The following RTTN variants were observed in gnomAD, a reference collection of about 807,000 sequenced individuals.
The protein encoded by RTTN is rotatin.
In RTTN, 182 loss-of-function variants were observed where a neutral mutation model predicts 269.2. The observed-to-expected ratio is 0.68, with a 90% CI of 0.60 to 0.76. The LOEUF (loss-of-function observed/expected upper bound fraction) is 0.76, where lower values mean the gene tolerates loss of function less well. Ranked by LOEUF, RTTN falls within the 30% of genes least tolerant of loss-of-function variation. The pLI, the probability that RTTN is intolerant of heterozygous loss-of-function variation, is 0.00. For missense variants in RTTN, 2,545 were observed against 2,608.6 expected (o/e 0.98, Z 0.53); for synonymous variants, 1,006 against 963.5 (o/e 1.04, Z -0.82).
At chr18:70,150,290 C>T in intron 15 of RTTN, 2 of 566,622 alleles carry the variant, frequency 3.5e-6, no homozygotes, top group South Asian at 4.5e-5. Flanking sequence ...CTTTAATGTA[C>T]ATTTGTCCCT....
intron 32 of RTTN, among the ~76,000 whole-genome samples, chr18:70,086,278 C>T (rs1463910480): frequency 6.6e-6 from 1 of 152,160 alleles, no homozygotes; most frequent in Non-Finnish European, 1.5e-5. Context: ...TTTAAACTCT[C>T]TATGCAAAAG....
At chr18:70,066,481 A>AAAAT (rs2058138337) in intron 34 of RTTN, among the ~76,000 whole-genome samples, 1 of 152,202 alleles carries the variant, frequency 6.6e-6, no homozygotes, top group African/African-American at 2.4e-5. Context: ...GTACAATTTC[A>AAAAT]CCTACAGGTT....
At chr18:70,026,159 C>T (rs1020571727) in intron 43 of RTTN, among the ~76,000 whole-genome samples, 3 of 152,144 alleles carry the variant, frequency 2.0e-5, no homozygotes, top group African/African-American at 7.2e-5. Context: ...CTATTGAGGC[C>T]GCTTCTACTT....
chr18:70,052,164 T>G (rs923344389), intron 38 of RTTN, among the ~76,000 whole-genome samples: 1 of 152,178 alleles, frequency 6.6e-6, no homozygotes, highest in Non-Finnish European at 1.5e-5. Context: ...TGGAGAGCAG[T>G]CGCTGAGGAC....
chr18:70,129,599 A>C (rs536468905), intron 23 of RTTN: 3 of 150,538 alleles, frequency 2.0e-5, no homozygotes, highest in South Asian at 4.3e-4. Flanking sequence ...CTAGATCTCT[A>C]TCTCTCGCCA....
At chr18:70,025,388 G>A (rs1302274564) in intron 43 of RTTN, among the ~76,000 whole-genome samples, 2 of 152,134 alleles carry the variant, frequency 1.3e-5, no homozygotes, top group African/African-American at 2.4e-5. Context: ...TTATTACAAA[G>A]ATCAGTTACC....
intron 28 of RTTN, among the ~76,000 whole-genome samples, chr18:70,102,472 C>A (rs569763575): frequency 6.6e-6 from 1 of 152,092 alleles, no homozygotes; most frequent in Non-Finnish European, 1.5e-5. Flanking sequence ...TGTCTCTGCA[C>A]GTGAGATGAG....
intron 23 of RTTN, chr18:70,131,893 A>G: frequency 6.6e-6 from 1 of 152,024 alleles, no homozygotes; most frequent in East Asian, 1.9e-4. Context: ...ATATTCCATT[A>G]AAACTGTAAA....
At chr18:70,189,401 T>C (rs2061619782) in intron 9 of RTTN, among the ~76,000 whole-genome samples, 1 of 152,188 alleles carries the variant, frequency 6.6e-6, no homozygotes, top group South Asian at 2.1e-4. Context: ...TAAAGAACCA[T>C]TAACTTGGAA....
At chr18:70,156,481 C>G (rs1033382468) in intron 14 of RTTN, among the ~76,000 whole-genome samples, 1 of 152,172 alleles carries the variant, frequency 6.6e-6, no homozygotes, top group Non-Finnish European at 1.5e-5. Flanking sequence ...ATTTTGCCTG[C>G]GGTCCTGCGG....
intron 37 of RTTN, among the ~76,000 whole-genome samples, chr18:70,056,960 G>A (rs995652884): frequency 2.0e-5 from 3 of 152,196 alleles, no homozygotes; most frequent in Non-Finnish European, 4.4e-5. Flanking sequence ...ACAAAGATTT[G>A]CTGGATGGAG....
chr18:70,202,961 T>C (rs962975708), intron 3 of RTTN, among the ~76,000 whole-genome samples: 2 of 150,896 alleles, frequency 1.3e-5, no homozygotes, highest in African/African-American at 4.9e-5. Flanking sequence ...AGGTTAAGCA[T>C]CAAAACTTTT....
intron 13 of RTTN, 78 bp from the exon 14 acceptor site, chr18:70,166,266 G>A: frequency 9.1e-6 from 13 of 1,426,762 alleles, no homozygotes; most frequent in South Asian, 1.2e-5. Flanking sequence ...ATACTGGAAG[G>A]GATTTCTTCC....
rs772484570 is a variant in RTTN at position 70,193,305 on chromosome 18, C to G, written c.990G>C (p.Trp330Cys). 15 of 1,611,000 alleles carry G rather than the reference C, an allele frequency of 9.3e-6. No individual in the cohort carries two copies. Among genetic ancestry groups the G allele is most frequent in the Non-Finnish European group, 1.3e-5 (15 of 1,178,492 alleles). ...GQRPRGDGQD[W>C]DAASSSGSSS... ...GCAGTCACCTAGAGGACGCTGCATC[C>G]CAGTCCTGGCCATCTCCTCTGGGTC... The change falls in exon 8 of 49, where the codon TGG becomes TGC. Residue 330 changes from tryptophan (W) to cysteine (C), a missense_variant. Transcript: ENST00000640769.
At chr18:70,205,535 G>A in intron 1 of RTTN, 93 bp downstream of exon 1, 5 of 1,538,660 alleles carry the variant, frequency 3.2e-6, no homozygotes, top group South Asian at 1.1e-5. Context: ...GAGCGGTCGC[G>A]GAGCGGCCGG....
chr18:70,095,695 G>A (rs937035878), intron 28 of RTTN, among the ~76,000 whole-genome samples: 3 of 152,080 alleles, frequency 2.0e-5, no homozygotes, highest in Non-Finnish European at 1.5e-5. Context: ...TTCCCTTTGT[G>A]GGTAACCCGA....
intron 28 of RTTN, among the ~76,000 whole-genome samples, chr18:70,096,583 G>A (rs749399933): frequency 6.6e-6 from 1 of 152,194 alleles, no homozygotes; most frequent in East Asian, 1.9e-4. Flanking sequence ...GAGTTGGCTG[G>A]AGGTCCACTC....
intron 32 of RTTN, among the ~76,000 whole-genome samples, chr18:70,080,928 TCACACACACA>T (rs138851066): frequency 0.54 from 79,675 of 146,738 alleles, 24,673 homozygotes; most frequent in East Asian, 0.8. Flanking sequence ...GTGTGTGGTA[TCACACACACA>T]CACACACACA....
At chr18:70,204,363 C>G in intron 2 of RTTN, 100 bp from the exon 3 acceptor site, 2 of 1,195,342 alleles carry the variant, frequency 1.7e-6, no homozygotes, top group South Asian at 3.1e-5. Context: ...TCAGATGTTC[C>G]TTTTCTGAAA....
Sources: gnomAD v4.1 joint callset for allele counts (sites outside exome capture counted in the v4.1 genomes callset) on GRCh38, gnomAD v4.1.1 for gene constraint, MANE v1.5 for transcripts, NCBI Gene and HGNC (gene_info 2026-07-23, HGNC 2026-07-21) for gene names.